Variants in PHLPP1 observed in about 807,000 individuals in gnomAD.
The protein encoded by PHLPP1 is PH domain leucine-rich repeat-containing protein phosphatase 1.
Under a neutral mutation model 117.2 loss-of-function variants are expected in PHLPP1, and 42 were observed. The observed-to-expected ratio is 0.36, with a 90% confidence interval of 0.28 to 0.46. PHLPP1 has a LOEUF of 0.46. Among genes scored for constraint, PHLPP1 ranks in the 20% least tolerant of loss-of-function variants. PHLPP1 has a pLI of 1.00. For missense variants in PHLPP1, 2,084 were observed against 2,241.9 expected, an observed-to-expected ratio of 0.93 and a Z score of 1.42; for synonymous variants, 1,042 against 970.7, an observed-to-expected ratio of 1.07 and a Z score of -1.37.
At chr18:62,758,192 AAATTGT>A (rs1213790019) in intron 1 of PHLPP1, among the ~76,000 whole-genome samples, 3 of 152,240 alleles carry the variant, frequency 2.0e-5, no homozygotes, top group Non-Finnish European at 4.4e-5. Flanking sequence ...TTGGATGGTA[AAATTGT>A]AATTGTAACT....
At chr18:62,976,789 A>G (rs762548840) in intron 16 of PHLPP1, among the ~76,000 whole-genome samples, 15 of 152,064 alleles carry the variant, frequency 9.9e-5, no homozygotes, top group Non-Finnish European at 1.9e-4. Flanking sequence ...TCCACCCCAA[A>G]CTGTACATGG....
In PHLPP1 at chr18:62,874,184, C is replaced by CA. The variant is rs779092532; in HGVS notation, c.2066+13599dup. On this transcript the variant is annotated intron_variant, in intron 4 of 16. Transcript: ENST00000262719. ...GAGCAATCAGAACGAAACTCTGTCT[C>CA]AAAAAAAAAAAAAAAAGATTAATAA... 0.01 allele frequency among the ~76,000 whole-genome samples: 652 copies of CA among 63,088 alleles called. 7 individuals carry two copies. In the East Asian group the frequency reaches 0.11, roughly 11 times the overall value. 41.4% of individuals were successfully genotyped at this position (63,088 alleles called of 152,430 possible).
chr18:62,783,766 T>TTA (rs1416622251), intron 1 of PHLPP1, among the ~76,000 whole-genome samples: 2 of 152,150 alleles, frequency 1.3e-5, no homozygotes, highest in Non-Finnish European at 2.9e-5. Flanking sequence ...CTTAACCTAA[T>TTA]TAAATCATGT....
intron 6 of PHLPP1, among the ~76,000 whole-genome samples, chr18:62,898,012 T>A (rs1254182112): frequency 9.0e-5 from 6 of 66,308 alleles, no homozygotes; most frequent in African/African-American, 2.0e-4. Flanking sequence ...TAATTCCTCC[T>A]CCCTTCTCCT....
At chr18:62,977,205 C>T (rs1911213946) in intron 16 of PHLPP1, among the ~76,000 whole-genome samples, 1 of 152,036 alleles carries the variant, frequency 6.6e-6, no homozygotes, top group Non-Finnish European at 1.5e-5. Flanking sequence ...AAAGACATCC[C>T]TAGGACAAGT....
At chr18:62,808,604 G>T (rs1176986977) in intron 1 of PHLPP1, among the ~76,000 whole-genome samples, 1 of 150,138 alleles carries the variant, frequency 6.7e-6, no homozygotes, top group Non-Finnish European at 1.5e-5. Context: ...CCAGGCTGGG[G>T]TGCAATGGCA....
intron 1 of PHLPP1, among the ~76,000 whole-genome samples, chr18:62,789,594 G>T (rs1452470426): frequency 6.6e-6 from 1 of 152,142 alleles, no homozygotes; most frequent in Admixed American, 6.5e-5. Flanking sequence ...TTCTTCATCA[G>T]TGTCTTCTCA....
intron 10 of PHLPP1, among the ~76,000 whole-genome samples, chr18:62,934,166 T>G (rs1909901199): frequency 2.0e-5 from 3 of 152,200 alleles, no homozygotes; most frequent in South Asian, 4.1e-4. Context: ...TGAAGATTTC[T>G]CAAAGAGCTA....
chr18:62,828,246 ATCTTCCTC>A (rs1430806342), intron 1 of PHLPP1, among the ~76,000 whole-genome samples: 7 of 152,276 alleles, frequency 4.6e-5, no homozygotes, highest in Non-Finnish European at 8.8e-5. Flanking sequence ...AAACCCCGGC[ATCTTCCTC>A]TCTAGATATA....
At chr18:62,898,745 G>A (rs1232499472) in intron 6 of PHLPP1, among the ~76,000 whole-genome samples, 1 of 151,986 alleles carries the variant, frequency 6.6e-6, no homozygotes, top group Non-Finnish European at 1.5e-5. Context: ...TGCATTACGA[G>A]TTGATTCTTG....
intron 16 of PHLPP1, among the ~76,000 whole-genome samples, chr18:62,977,231 T>C (rs1461126477): frequency 6.6e-6 from 1 of 151,868 alleles, no homozygotes; most frequent in Non-Finnish European, 1.5e-5. Flanking sequence ...CCTTGCCAAA[T>C]CCCAAATAAA....
Position 62,792,868 on chromosome 18 carries a change from C to CAAAAAAAAA in PHLPP1, c.1577-37151_1577-37143dup, listed in dbSNP as rs71160870. ...TTGGTGAGAGAGCGAGCCTCTGTCTCAAAAAAAAAAAAAAAAAAAAAAAAG... is the reference window on the plus strand; with the variant it reads ...TTGGTGAGAGAGCGAGCCTCTGTCTCAAAAAAAAAAAAAAAAAAAAAAAAAAAAAAAAAG... On this transcript the variant is annotated intron_variant, in intron 1 of 16. Transcript: ENST00000262719. Among the ~76,000 whole-genome samples the CAAAAAAAAA allele has an allele frequency of 1.1e-3, 64 of 56,846 alleles. 1 individual carries two copies. The highest frequency in any genetic ancestry group is 4.9e-3 in the African/African-American group (64 of 13,090). The allele number at this position is 56,846 out of a possible 152,430, so 37.3% of individuals were successfully genotyped here.
intron 1 of PHLPP1, among the ~76,000 whole-genome samples, chr18:62,747,978 C>T (rs1358838903): frequency 6.6e-6 from 1 of 152,088 alleles, no homozygotes; most frequent in African/African-American, 2.4e-5. Context: ...TTGAGATTAA[C>T]TTTGTGATCT....
chr18:62,778,826 TGTG>T (rs1913038131), intron 1 of PHLPP1, among the ~76,000 whole-genome samples: 1 of 152,218 alleles, frequency 6.6e-6, no homozygotes, highest in African/African-American at 2.4e-5. Flanking sequence ...AGCTTGATGA[TGTG>T]GTATAGATTT....
At chr18:62,762,356 A>G (rs1912274120) in intron 1 of PHLPP1, among the ~76,000 whole-genome samples, 1 of 150,070 alleles carries the variant, frequency 6.7e-6, no homozygotes, top group African/African-American at 2.4e-5. Flanking sequence ...AAAAAACCTT[A>G]AAAGAAACTA....
At chr18:62,846,733 A>G (rs1915192673) in intron 3 of PHLPP1, among the ~76,000 whole-genome samples, 1 of 152,240 alleles carries the variant, frequency 6.6e-6, no homozygotes, top group Non-Finnish European at 1.5e-5. Context: ...GCAACAGTCT[A>G]TGAAGTTAGA....
rs199550509 is a variant in PHLPP1, at chr18:62,883,900, CTT to C, written c.2067-11109_2067-11108del. ...GCCATCACATGAGTCAATTAAAAAT[CTT>C]TGAATTTTCAGAGTCTCTTGGATTT... is the stretch of plus-strand genomic sequence containing the variant. On this transcript the variant is annotated intron_variant, in intron 4 of 16. Transcript: ENST00000262719. 5.9e-3 allele frequency among the ~76,000 whole-genome samples: 905 copies of C among 152,260 alleles called. 13 individuals carry two copies. Among genetic ancestry groups the C allele is most frequent in the African/African-American group, 0.021 (859 of 41,560 alleles).
In PHLPP1 at chr18:62,716,486, G is replaced by GC; in HGVS notation, c.808dup (p.Arg270ProfsTer92). 1 of 1,215,720 alleles carries GC rather than the reference G, an allele frequency of 8.2e-7. No individual in the cohort carries two copies. The highest frequency in any genetic ancestry group is 1.0e-6 in the Non-Finnish European group (1 of 979,498). The allele number at this position is 1,215,720 out of a possible 1,614,324, so 75.3% of individuals were successfully genotyped here. On this transcript the variant is annotated frameshift_variant, in exon 1 of 17. Coordinates refer to ENST00000262719, the MANE Select transcript of PHLPP1 (RefSeq NM_194449.4). LOFTEE classifies it high-confidence loss of function. The surrounding 1 kb of genome is among the most constrained non-coding windows in gnomAD (Gnocchi z 5.7). The stretch of plus-strand genomic sequence containing the variant: ...CCCGCTGAACCGCCCCCCGAGGCCG[G>GC]CCCCCGGCTGGCGCCCCCGGAGCCG...
intron 6 of PHLPP1, among the ~76,000 whole-genome samples, chr18:62,898,825 G>A (rs750940367): frequency 2.6e-5 from 4 of 151,622 alleles, no homozygotes; most frequent in East Asian, 3.9e-4. Context: ...TTTTTGAGAC[G>A]GAATTTCTTG....
Sources: gnomAD v4.1 joint callset for allele counts (sites outside exome capture counted in the v4.1 genomes callset) on GRCh38, gnomAD v4.1.1 for gene constraint, Gnocchi (gnomAD v3.1) non-coding constraint, MANE v1.5 for transcripts, NCBI Gene and HGNC (gene_info 2026-07-23, HGNC 2026-07-21) for gene names.